ERC2: variants seen among roughly 807,000 people sequenced by gnomAD.
The protein encoded by ERC2 is ELKS/RAB6-interacting/CAST family member 2.
Under a neutral mutation model 114.8 loss-of-function variants are expected in ERC2, and 42 were observed. The ratio of observed to expected loss-of-function variants is 0.37; its 90% CI spans 0.29 to 0.47. ERC2 has a LOEUF of 0.47. Ranked by LOEUF, ERC2 falls within the 20% of genes least tolerant of loss-of-function variation. ERC2 has a pLI of 0.99. For missense variants in ERC2, 939 were observed against 1,150.7 expected (o/e 0.82, Z 2.66); for synonymous variants, 454 against 425.5 (o/e 1.07, Z -0.82).
chr3:55,865,306 C>G (rs1400739253), intron 14 of ERC2, among the ~76,000 whole-genome samples: 2 of 152,106 alleles, frequency 1.3e-5, no homozygotes, highest in East Asian at 3.9e-4. Context: ...CGATGCTGAG[C>G]TAAAAAATGA....
At chr3:55,713,921 T>G (rs2063929636) in intron 15 of ERC2, among the ~76,000 whole-genome samples, 1 of 152,226 alleles carries the variant, frequency 6.6e-6, no homozygotes, top group African/African-American at 2.4e-5. Context: ...GACTATGCCA[T>G]TCCCTTGACT....
At chr3:56,136,105 G>A (rs1249175070) in intron 6 of ERC2, among the ~76,000 whole-genome samples, 1 of 152,118 alleles carries the variant, frequency 6.6e-6, no homozygotes, top group East Asian at 1.9e-4. Flanking sequence ...ACCAACCAAA[G>A]AGCCAAGCCA....
intron 15 of ERC2, among the ~76,000 whole-genome samples, chr3:55,713,096 T>TTCTCTCTCTCTCTCTCTC (rs143906006): frequency 1.5e-5 from 2 of 135,032 alleles, no homozygotes; most frequent in Admixed American, 1.5e-4. Context: ...TCCTCTGCCA[T>TTCTCTCTCTCTCTCTCTC]TCTCTCTCTC....
At chr3:56,428,103 C>T (rs1244089760) in intron 2 of ERC2, among the ~76,000 whole-genome samples, 1 of 152,166 alleles carries the variant, frequency 6.6e-6, no homozygotes, top group East Asian at 1.9e-4. Context: ...GTGAGTACAT[C>T]TGAGTTCCAC....
chr3:56,217,341 C>T (rs1560397404), intron 3 of ERC2, among the ~76,000 whole-genome samples: 1 of 152,072 alleles, frequency 6.6e-6, no homozygotes, highest in Non-Finnish European at 1.5e-5. Context: ...TCTTATACAC[C>T]AATAACAGAC....
At position 56,434,800 on chromosome 3, in the gene ERC2, C is replaced by T; in HGVS notation, c.208G>A (p.Val70Met). The T allele has an allele frequency of 1.2e-6, 2 of 1,613,940 alleles. No homozygotes were observed. Among genetic ancestry groups the T allele is most frequent in the Non-Finnish European group, 1.7e-6 (2 of 1,179,876 alleles). The change falls in exon 2 of 18, where the codon GTG becomes ATG. Residue 70 changes from valine to methionine, a missense_variant. Val to Met is a conservative substitution (Grantham distance 21, BLOSUM62 1). Coordinates refer to ENST00000288221, the MANE Select transcript of ERC2 (RefSeq NM_015576.3). ...GPMYLSDHEG[V>M]ASTTYPKGTM... ...CCCTTTGGGTAGGTTGTTGAAGCCA[C>T]CCCTTCATGATCACTCAGATACATG...
chr3:56,249,509 G>C (rs908242411), intron 3 of ERC2, among the ~76,000 whole-genome samples: 1 of 151,922 alleles, frequency 6.6e-6, no homozygotes, highest in Non-Finnish European at 1.5e-5. Flanking sequence ...TGTATTTTTA[G>C]TAGAGACGGG....
At chr3:56,214,667 G>C (rs1400562471) in intron 3 of ERC2, among the ~76,000 whole-genome samples, 14 of 151,928 alleles carry the variant, frequency 9.2e-5, no homozygotes, top group Non-Finnish European at 1.8e-4. Context: ...TCCTCGAGAA[G>C]AGCAACTCCA....
At chr3:56,337,769 AGCCACAT>A (rs2150480440) in intron 2 of ERC2, among the ~76,000 whole-genome samples, 1 of 152,348 alleles carries the variant, frequency 6.6e-6, no homozygotes, top group Non-Finnish European at 1.5e-5. Flanking sequence ...CAGGCGTGCA[AGCCACAT>A]GCACCAAGAG....
chr3:56,223,518 CAAAAAAAA>C (rs60141863), intron 3 of ERC2, among the ~76,000 whole-genome samples: 3 of 123,008 alleles, frequency 2.4e-5, no homozygotes, highest in Non-Finnish European at 5.0e-5. Flanking sequence ...AGAAAAATGG[CAAAAAAAA>C]AAAAAAAAAA....
At chr3:55,689,936 C>A (rs542150694) in intron 16 of ERC2, among the ~76,000 whole-genome samples, 2 of 152,208 alleles carry the variant, frequency 1.3e-5, no homozygotes, top group South Asian at 4.1e-4. Context: ...CAGACTTAGA[C>A]CAATATAACT....
At chr3:56,250,262 G>A (rs1028424361) in intron 3 of ERC2, among the ~76,000 whole-genome samples, 1 of 152,100 alleles carries the variant, frequency 6.6e-6, no homozygotes, top group African/African-American at 2.4e-5. Context: ...TAAAAACTAG[G>A]GCCCATGCCA....
chr3:56,367,772 A>G (rs964576554), intron 2 of ERC2, among the ~76,000 whole-genome samples: 1 of 152,090 alleles, frequency 6.6e-6, no homozygotes, highest in Non-Finnish European at 1.5e-5. Flanking sequence ...AGCAAAAGCT[A>G]ATTGGACTAT....
At chr3:55,667,022 A>G (rs1354569864) in intron 17 of ERC2, among the ~76,000 whole-genome samples, 1 of 152,236 alleles carries the variant, frequency 6.6e-6, no homozygotes, top group Non-Finnish European at 1.5e-5. Flanking sequence ...TGTATATTAT[A>G]TGTTAAACAT....
intron 2 of ERC2, among the ~76,000 whole-genome samples, chr3:56,416,688 A>ATC (rs1207374208): frequency 6.8e-6 from 1 of 146,578 alleles, no homozygotes; most frequent in Non-Finnish European, 1.5e-5. Context: ...AAAACTCCTG[A>ATC]TCTCTCTCTC....
intron 7 of ERC2, among the ~76,000 whole-genome samples, chr3:56,028,771 G>A (rs2074202131): frequency 6.6e-6 from 1 of 151,978 alleles, no homozygotes; most frequent in South Asian, 2.1e-4. Context: ...GGACAACAAT[G>A]TCATCTTCAA....
intron 14 of ERC2, among the ~76,000 whole-genome samples, chr3:55,859,824 G>C (rs1363511723): frequency 6.6e-6 from 1 of 151,846 alleles, no homozygotes; most frequent in South Asian, 2.1e-4. Context: ...TTTGTAAGAT[G>C]GAAGATCTTT....
chr3:56,413,594 C>T (rs2061026904), intron 2 of ERC2, among the ~76,000 whole-genome samples: 1 of 152,166 alleles, frequency 6.6e-6, no homozygotes, highest in Admixed American at 6.5e-5. Flanking sequence ...TGGTCAGACA[C>T]TGGGGAGAGG....
At chr3:55,791,229 C>A (rs549766173) in intron 14 of ERC2, among the ~76,000 whole-genome samples, 26 of 152,184 alleles carry the variant, frequency 1.7e-4, no homozygotes, top group Middle Eastern at 3.4e-3. Flanking sequence ...CTTGGAGAGC[C>A]TTTAGAGGCA....
Sources: gnomAD v4.1 joint callset for allele counts (sites outside exome capture counted in the v4.1 genomes callset) on GRCh38, gnomAD v4.1.1 for gene constraint, MANE v1.5 for transcripts, NCBI Gene and HGNC (gene_info 2026-07-23, HGNC 2026-07-21) for gene names.